NAV3: variants seen among roughly 807,000 people sequenced by gnomAD.
NAV3 encodes the protein neuron navigator 3.
In NAV3, 87 loss-of-function variants were observed where a neutral mutation model predicts 244.7. That is an observed-to-expected ratio of 0.36 (90% CI 0.30 to 0.42). NAV3 has a LOEUF of 0.42. Among genes scored for constraint, NAV3 ranks in the 20% least tolerant of loss-of-function variants. NAV3 has a pLI of 1.00. For missense variants in NAV3, 2,663 were observed against 2,893.3 expected, an observed-to-expected ratio of 0.92 and a Z score of 1.83; for synonymous variants, 1,126 against 1,042.2, an observed-to-expected ratio of 1.08 and a Z score of -1.55.
intron 2 of NAV3, among the ~76,000 whole-genome samples, chr12:77,739,652 G>A (rs1868291662): frequency 6.6e-6 from 1 of 152,066 alleles, no homozygotes. Context: ...TCCACCTAAA[G>A]CATAACTATT....
At chr12:77,642,351 G>A (rs926860953) in intron 2 of NAV3, among the ~76,000 whole-genome samples, 1 of 151,968 alleles carries the variant, frequency 6.6e-6, no homozygotes, top group East Asian at 1.9e-4. Flanking sequence ...TTTCAGGAGC[G>A]TTGGTTTGTA....
At chr12:77,722,932 A>G (rs140090408) in intron 2 of NAV3, among the ~76,000 whole-genome samples, 52 of 152,148 alleles carry the variant, frequency 3.4e-4, no homozygotes, top group African/African-American at 1.2e-3. Flanking sequence ...AACCTCAGTA[A>G]AGTTAGGCTC....
At chr12:77,714,533 C>A (rs1415448785) in intron 2 of NAV3, among the ~76,000 whole-genome samples, 2 of 152,084 alleles carry the variant, frequency 1.3e-5, no homozygotes, top group Admixed American at 6.6e-5. Flanking sequence ...TTGTCTTACT[C>A]CGCCAGTAAT....
At chr12:78,166,988 T>C (rs1403092912) in intron 23 of NAV3, among the ~76,000 whole-genome samples, 1 of 151,850 alleles carries the variant, frequency 6.6e-6, no homozygotes, top group Non-Finnish European at 1.5e-5. Flanking sequence ...AGTATTTACG[T>C]TGTATAATTA....
intron 1 of NAV3, among the ~76,000 whole-genome samples, chr12:77,920,335 A>G (rs1194422731): frequency 6.6e-6 from 1 of 152,024 alleles, no homozygotes; most frequent in Non-Finnish European, 1.5e-5. Context: ...TTGCTTTATC[A>G]AAATTAACCA....
chr12:77,681,973 T>A (rs1874492203), intron 2 of NAV3, among the ~76,000 whole-genome samples: 1 of 152,320 alleles, frequency 6.6e-6, no homozygotes, highest in South Asian at 2.1e-4. Flanking sequence ...TCTTGCATGT[T>A]AATTTTTTGT....
intron 2 of NAV3, among the ~76,000 whole-genome samples, chr12:77,750,057 A>G (rs912207144): frequency 3.3e-5 from 5 of 152,190 alleles, no homozygotes; most frequent in African/African-American, 1.2e-4. Context: ...GGAAGGAGTA[A>G]AGATAACCTC....
At chr12:78,148,733 CA>C (rs1956960243) in intron 21 of NAV3, 108 bp from the exon 22 acceptor site, 1 of 852,778 alleles carries the variant, frequency 1.2e-6, no homozygotes, top group Admixed American at 2.6e-5. Flanking sequence ...GCTGCTGATA[CA>C]ATGGGGTTAG....
At chr12:77,620,261 T>TA (rs905173638) in intron 2 of NAV3, among the ~76,000 whole-genome samples, 1 of 152,188 alleles carries the variant, frequency 6.6e-6, no homozygotes, top group Non-Finnish European at 1.5e-5. Context: ...ATGAACATTA[T>TA]AAAATGATGA....
At chr12:78,030,079 G>T (rs1349413412) in intron 9 of NAV3, among the ~76,000 whole-genome samples, 4 of 152,086 alleles carry the variant, frequency 2.6e-5, no homozygotes, top group Non-Finnish European at 5.9e-5. Flanking sequence ...TTTGACTTGG[G>T]TCCCATCCCC....
At chr12:77,749,775 G>T (rs2135794708) in intron 2 of NAV3, among the ~76,000 whole-genome samples, 1 of 152,294 alleles carries the variant, frequency 6.6e-6, no homozygotes, top group Middle Eastern at 3.4e-3. Flanking sequence ...AGGTTGTGCT[G>T]CTGTCTTTGG....
At chr12:77,770,176 T>C (rs201862616) in intron 2 of NAV3, among the ~76,000 whole-genome samples, 1 of 152,068 alleles carries the variant, frequency 6.6e-6, no homozygotes, top group Non-Finnish European at 1.5e-5. Flanking sequence ...GTTAAAATCC[T>C]AGGGGGAGTT....
intron 2 of NAV3, among the ~76,000 whole-genome samples, chr12:77,722,218 G>A (rs565560966): frequency 2.0e-5 from 3 of 152,096 alleles, no homozygotes; most frequent in Admixed American, 1.3e-4. Context: ...GAATTCAATC[G>A]TGTTTGGTAG....
chr12:77,626,812 A>G (rs918128472), intron 2 of NAV3, among the ~76,000 whole-genome samples: 5 of 152,196 alleles, frequency 3.3e-5, no homozygotes, highest in Non-Finnish European at 7.4e-5. Flanking sequence ...TGCTTAAGGG[A>G]GTCATTAGGA....
At chr12:77,973,597 A>G (rs942188221) in intron 5 of NAV3, among the ~76,000 whole-genome samples, 2 of 151,984 alleles carry the variant, frequency 1.3e-5, no homozygotes, top group African/African-American at 4.8e-5. Context: ...TACCACACAC[A>G]TTGCTTTTGG....
At chr12:78,204,868 GCAGTCCC>G in intron 38 of NAV3, 60 bp from the exon 39 acceptor site, 1 of 1,400,000 alleles carries the variant, frequency 7.1e-7, no homozygotes. Context: ...CATCCAACTA[GCAGTCCC>G]CTTTTTTGCT....
intron 39 of NAV3, among the ~76,000 whole-genome samples, chr12:78,209,102 T>G (rs767104005): frequency 1.7e-4 from 26 of 152,152 alleles, no homozygotes; most frequent in Non-Finnish European, 2.8e-4. Flanking sequence ...ATTTAATAAA[T>G]TAGGAGAGTC....
intron 12 of NAV3, among the ~76,000 whole-genome samples, chr12:78,070,640 G>A (rs1254086144): frequency 2.0e-5 from 3 of 151,092 alleles, no homozygotes; most frequent in Non-Finnish European, 3.0e-5. Flanking sequence ...CCATGCTGGT[G>A]CGCTGCACCC....
At chr12:78,167,398 T>C (rs1394821607) in intron 23 of NAV3, among the ~76,000 whole-genome samples, 1 of 151,726 alleles carries the variant, frequency 6.6e-6, no homozygotes, top group Non-Finnish European at 1.5e-5. Flanking sequence ...GAAGGTCTGG[T>C]TGTTTGTTTT....
Sources: allele counts gnomAD v4.1 joint callset (sites outside exome capture counted in the v4.1 genomes callset), GRCh38; gene constraint gnomAD v4.1.1; transcripts MANE v1.5; gene names NCBI Gene and HGNC (gene_info 2026-07-23, HGNC 2026-07-21).